DAB1: variants seen among roughly 807,000 people sequenced by gnomAD.
DAB1 encodes disabled homolog 1.
A neutral mutation model predicts 64.6 loss-of-function variants in DAB1; 15 were observed. The ratio of observed to expected loss-of-function variants is 0.23; its 90% CI spans 0.16 to 0.36. The LOEUF (loss-of-function observed/expected upper bound fraction) is 0.36, where lower values mean the gene tolerates loss of function less well. DAB1 is among the 10% of genes least tolerant of loss of function. The pLI is 1.00. For synonymous variants in DAB1, 235 were observed against 251.9 expected, an observed-to-expected ratio of 0.93 and a Z score of 0.64; for missense variants, 596 against 706.7, an observed-to-expected ratio of 0.84 and a Z score of 1.78.
chr1:57,838,446 A>T (rs1652908005), intron 1 of DAB1, among the ~76,000 whole-genome samples: 2 of 152,172 alleles, frequency 1.3e-5, no homozygotes, highest in Non-Finnish European at 2.9e-5. Context: ...AATATATATT[A>T]TGTATAAGAA....
At chr1:57,240,391 T>C (rs1311293897) in intron 2 of DAB1, among the ~76,000 whole-genome samples, 2 of 152,178 alleles carry the variant, frequency 1.3e-5, no homozygotes, top group Non-Finnish European at 2.9e-5. Flanking sequence ...CCACTGATCA[T>C]CTACAGTGGT....
rs1037768660 is a variant in DAB1 at position 58,449,656 on chromosome 1, T to C, written n.257+56404A>G. 2.0e-5 allele frequency among the ~76,000 whole-genome samples: 3 copies of C among 152,310 alleles called. No homozygotes were observed. The East Asian group carries it at 5.8e-4, about 29-fold the overall frequency. On this transcript the variant is annotated intron_variant and non_coding_transcript_variant, in intron 3 of 20. Coordinates refer to the DAB1 transcript ENST00000485760. ...CAAACGTGCCCCCTTGATTTCCTAA[T>C]CCAGTGCCTCAGTGCATGCTGTCCT...
intron 5 of DAB1, among the ~76,000 whole-genome samples, chr1:57,909,665 A>C (rs1644611414): frequency 6.6e-6 from 1 of 152,214 alleles, no homozygotes; most frequent in African/African-American, 2.4e-5. Flanking sequence ...AATACTGCAA[A>C]GAAAAAAAAT....
chr1:58,225,711 G>C (rs1659434949), intron 4 of DAB1, among the ~76,000 whole-genome samples: 1 of 149,446 alleles, frequency 6.7e-6, no homozygotes, highest in African/African-American at 2.5e-5. Flanking sequence ...CTATCGCAAG[G>C]ACAAAAAACC....
Position 58,249,489 on chromosome 1 carries a change from A to C in DAB1, n.309+93863T>G, listed in dbSNP as rs111474486. Among the ~76,000 whole-genome samples, 125 of 152,206 alleles carry C rather than the reference A, an allele frequency of 8.2e-4. 1 individual carries two copies. The highest frequency in any genetic ancestry group is 2.5e-3 in the African/African-American group (104 of 41,550). On this transcript the variant is annotated intron_variant and non_coding_transcript_variant, in intron 4 of 20. Transcript: ENST00000485760. ...AGAGCCAAGCTGAGAGGGCAGAAAGAAAGCATGCGTCCGGATGGCGGGAGG... is the reference window on the plus strand; with the variant it reads ...AGAGCCAAGCTGAGAGGGCAGAAAGCAAGCATGCGTCCGGATGGCGGGAGG...
intron 7 of DAB1, among the ~76,000 whole-genome samples, chr1:57,646,567 G>T (rs1453082807): frequency 6.6e-6 from 1 of 152,128 alleles, no homozygotes; most frequent in African/African-American, 2.4e-5. Flanking sequence ...GAGCCACATA[G>T]CAAGATCCTA....
chr1:57,206,910 T>C (rs1665585083), intron 2 of DAB1, among the ~76,000 whole-genome samples: 1 of 151,324 alleles, frequency 6.6e-6, no homozygotes, highest in Non-Finnish European at 1.5e-5. Flanking sequence ...GACACTTAAA[T>C]GACAAACACA....
intron 5 of DAB1, among the ~76,000 whole-genome samples, chr1:58,088,462 G>A (rs1410955070): frequency 6.6e-6 from 1 of 152,062 alleles, no homozygotes; most frequent in Non-Finnish European, 1.5e-5. Flanking sequence ...AATCTTTTGG[G>A]AGCACTATTC....
chr1:57,068,381 G>A (rs1651128971), intron 8 of DAB1, among the ~76,000 whole-genome samples: 2 of 152,118 alleles, frequency 1.3e-5, no homozygotes, highest in South Asian at 4.1e-4. Context: ...TATTCAACAA[G>A]GCTGACAACT....
chr1:58,431,203 T>C (rs1487801086), intron 3 of DAB1, among the ~76,000 whole-genome samples: 3 of 151,830 alleles, frequency 2.0e-5, no homozygotes, highest in Non-Finnish European at 4.4e-5. Flanking sequence ...TGAATCATGC[T>C]CCTAAAAAAA....
At chr1:58,150,178 G>A (rs1306720875) in intron 5 of DAB1, among the ~76,000 whole-genome samples, 3 of 152,100 alleles carry the variant, frequency 2.0e-5, no homozygotes, top group Non-Finnish European at 4.4e-5. Context: ...ATACTTAATA[G>A]CCAGGAAGTT....
At chr1:57,709,000 G>T (rs2101742308) in intron 6 of DAB1, among the ~76,000 whole-genome samples, 1 of 152,130 alleles carries the variant, frequency 6.6e-6, no homozygotes, top group South Asian at 2.1e-4. Context: ...TGTCCATCTG[G>T]TTCCACTTCC....
intron 7 of DAB1, among the ~76,000 whole-genome samples, chr1:57,627,883 A>C (rs1241170367): frequency 6.6e-6 from 1 of 152,030 alleles, no homozygotes; most frequent in Admixed American, 6.6e-5. Flanking sequence ...CTCAGTGCCT[A>C]GTCCTTCCAA....
chr1:57,268,154 C>A (rs1398335317), intron 2 of DAB1, among the ~76,000 whole-genome samples: 1 of 152,186 alleles, frequency 6.6e-6, no homozygotes, highest in Non-Finnish European at 1.5e-5. Flanking sequence ...TCTGGCCACT[C>A]CCTCAAGAAT....
At chr1:58,453,475 C>T (rs1645161278) in intron 3 of DAB1, among the ~76,000 whole-genome samples, 1 of 152,224 alleles carries the variant, frequency 6.6e-6, no homozygotes, top group African/African-American at 2.4e-5. Flanking sequence ...ATCTCCTTCA[C>T]TCCTGTCAGC....
In DAB1 at chr1:57,168,435, G is replaced by T. The variant is rs78112210; in HGVS notation, c.68-23006C>A. 7.6e-3 allele frequency among the ~76,000 whole-genome samples: 1,162 copies of T among 152,228 alleles called. 22 individuals carry two copies. Among genetic ancestry groups the T allele is most frequent in the East Asian group, 0.07 (361 of 5,168 alleles). On this transcript the variant is annotated intron_variant, in intron 2 of 14. Coordinates refer to ENST00000371236, the MANE Select transcript of DAB1 (RefSeq NM_001365792.1). ...CTTACTCCCATTTTCCCCTGCAAATGCTTTTTGCTTCAGCCAAATGAAGCC... is the reference window on the plus strand; with the variant it reads ...CTTACTCCCATTTTCCCCTGCAAATTCTTTTTGCTTCAGCCAAATGAAGCC...
At chr1:58,489,391 G>T (rs1377920995) in intron 3 of DAB1, among the ~76,000 whole-genome samples, 1 of 152,224 alleles carries the variant, frequency 6.6e-6, no homozygotes, top group Non-Finnish European at 1.5e-5. Context: ...AGCGAGGCTG[G>T]GGGAGGGGTG....
At chr1:57,859,359 TATTA>T (rs1476399601) in intron 1 of DAB1, among the ~76,000 whole-genome samples, 4 of 152,192 alleles carry the variant, frequency 2.6e-5, no homozygotes, top group Non-Finnish European at 5.9e-5. Flanking sequence ...TTATTGCTCT[TATTA>T]ATTATTTTTA....
chr1:57,462,307 C>T (rs1200596697), intron 7 of DAB1, among the ~76,000 whole-genome samples: 1 of 152,106 alleles, frequency 6.6e-6, no homozygotes, highest in East Asian at 1.9e-4. Context: ...ACTTCCCTGC[C>T]TATTTTTGGC....
Sources: allele counts gnomAD v4.1 joint callset (sites outside exome capture counted in the v4.1 genomes callset), GRCh38; gene constraint gnomAD v4.1.1; transcripts MANE v1.5; gene names NCBI Gene and HGNC (gene_info 2026-07-23, HGNC 2026-07-21).